Variants in ODAD2 observed in about 807,000 individuals in gnomAD.
ODAD2 encodes outer dynein arm docking complex subunit 2.
ODAD2 carries 89 observed loss-of-function variants against 106.8 expected under a neutral mutation model. The observed-to-expected ratio is 0.83, with a 90% confidence interval of 0.70 to 0.99. The LOEUF is 0.99. Ranked by LOEUF, ODAD2 falls within the 50% of genes least tolerant of loss-of-function variation. The pLI, the probability that ODAD2 is intolerant of heterozygous loss-of-function variation, is 0.00. For synonymous variants in ODAD2, 404 were observed against 436.2 expected (o/e 0.93, Z 0.92); for missense variants, 1,168 against 1,238.5 (o/e 0.94, Z 0.85).
chr10:27,847,591 G>T (rs577314276), intron 19 of ODAD2, among the ~76,000 whole-genome samples: 2 of 152,154 alleles, frequency 1.3e-5, no homozygotes, highest in African/African-American at 4.8e-5. Flanking sequence ...GCAGGAGAAA[G>T]AAATAAAGGG....
intron 16 of ODAD2, among the ~76,000 whole-genome samples, chr10:27,927,183 C>A (rs1177946590): frequency 6.6e-6 from 1 of 152,056 alleles, no homozygotes; most frequent in Non-Finnish European, 1.5e-5. Flanking sequence ...GATGACATTT[C>A]TTATTCCTAC....
chr10:27,947,569 C>T (rs889394716), intron 10 of ODAD2, among the ~76,000 whole-genome samples: 1 of 152,086 alleles, frequency 6.6e-6, no homozygotes, highest in Non-Finnish European at 1.5e-5. Context: ...AAAAACAATT[C>T]ATTTGAATAA....
At chr10:27,837,599 C>T (rs1837990744) in intron 19 of ODAD2, among the ~76,000 whole-genome samples, 1 of 152,192 alleles carries the variant, frequency 6.6e-6, no homozygotes. Context: ...ATGGTTTTCA[C>T]TGCTGTAAAT....
At chr10:27,971,042 T>C (rs1848822804) in intron 8 of ODAD2, 66 bp downstream of exon 8, 6 of 739,516 alleles carry the variant, frequency 8.1e-6, no homozygotes, top group Non-Finnish European at 1.3e-5. Context: ...AATAAAGTTC[T>C]GTGAAAAATT....
intron 16 of ODAD2, among the ~76,000 whole-genome samples, chr10:27,920,055 T>C (rs1165254913): frequency 6.6e-6 from 1 of 151,610 alleles, no homozygotes; most frequent in African/African-American, 2.4e-5. Context: ...AAGTATAAAA[T>C]TATGAAAAAG....
At position 27,847,110 on chromosome 10, in the gene ODAD2, G is replaced by T. The variant is rs577694304; in HGVS notation, c.3021+13515C>A. 9.2e-4 allele frequency among the ~76,000 whole-genome samples: 140 copies of T among 152,122 alleles called. 2 individuals carry two copies. Among genetic ancestry groups the T allele is most frequent in the African/African-American group, 2.7e-3 (111 of 41,492 alleles). ...CATCCTGATACCAAAGCCTGGCAGA[G>T]ACACAGAAAAAAAAGAGAATTTTAG... On this transcript the variant is annotated intron_variant, in intron 19 of 19. Coordinates refer to ENST00000305242, the MANE Select transcript of ODAD2 (RefSeq NM_018076.5).
chr10:27,975,486 A>G (rs1849132461), intron 7 of ODAD2, among the ~76,000 whole-genome samples: 2 of 152,166 alleles, frequency 1.3e-5, no homozygotes, highest in African/African-American at 4.8e-5. Flanking sequence ...GGTCAATAAG[A>G]GAATACTATG....
chr10:27,960,942 C>G (rs547357729), intron 10 of ODAD2, among the ~76,000 whole-genome samples: 6 of 152,262 alleles, frequency 3.9e-5, no homozygotes, highest in South Asian at 4.1e-4. Flanking sequence ...GTGAGCCATT[C>G]CCCTTGCCCT....
chr10:27,940,650 G>GC lies in ODAD2; in HGVS notation c.1898dup (p.Ile634HisfsTer13). 6.2e-7 allele frequency: 1 copy of GC among 1,614,070 alleles called. No individual in the cohort carries two copies. Among genetic ancestry groups the GC allele is most frequent in the East Asian group, 2.2e-5 (1 of 44,856 alleles). On this transcript the variant is annotated frameshift_variant, in exon 13 of 20. Transcript: ENST00000305242. LOFTEE classifies it high-confidence loss of function. ...TCAGCAGCCGAGCCAACAGAGGAAT[G>GC]CCCCCAGCTTTGCGGATGGCTTCTT...
At chr10:27,899,244 G>A (rs958584182) in intron 17 of ODAD2, among the ~76,000 whole-genome samples, 2 of 151,954 alleles carry the variant, frequency 1.3e-5, no homozygotes, top group African/African-American at 4.8e-5. Context: ...GGAAGGGGGA[G>A]TGTGGGACTG....
chr10:27,877,750 G>T (rs1167534486), intron 17 of ODAD2, among the ~76,000 whole-genome samples: 2 of 151,944 alleles, frequency 1.3e-5, no homozygotes, highest in East Asian at 3.9e-4. Context: ...TACAATATTG[G>T]TTATGCACAA....
At chr10:27,875,494 T>C (rs950776384) in intron 17 of ODAD2, among the ~76,000 whole-genome samples, 25 of 152,202 alleles carry the variant, frequency 1.6e-4, no homozygotes, top group Non-Finnish European at 3.1e-4. Flanking sequence ...TTTATCTACC[T>C]TTGGTCTTTC....
At chr10:27,835,925 C>CA (rs34844763) in intron 19 of ODAD2, 8,545 of 129,556 alleles carry the variant, frequency 0.066, 784 homozygotes, top group African/African-American at 0.23. Context: ...AAAATCCCAT[C>CA]AAAAAAAAAA....
At chr10:27,815,453 GTCTGCCTTCAGCTCTCC>G (rs1374293505) in intron 19 of ODAD2, among the ~76,000 whole-genome samples, 2 of 152,162 alleles carry the variant, frequency 1.3e-5, no homozygotes, top group African/African-American at 4.8e-5. Flanking sequence ...CCAGGCTGCT[GTCTGCCTTCAGCTCTCC>G]TCTGAAATAA....
chr10:27,899,274 C>T (rs1014069181), intron 17 of ODAD2, among the ~76,000 whole-genome samples: 3 of 152,144 alleles, frequency 2.0e-5, no homozygotes, highest in African/African-American at 7.2e-5. Flanking sequence ...GAACAGTATA[C>T]TCTGGCCCAG....
In ODAD2 at chr10:27,971,452, G is replaced by C. The variant is rs77862527; in HGVS notation, c.937-139C>G. 5.7e-3 allele frequency: 3,939 copies of C among 691,688 alleles called. 117 individuals are homozygous for C. In the African/African-American group the frequency reaches 0.062, roughly 11 times the overall value. 42.8% of individuals were successfully genotyped at this position (691,688 alleles called of 1,614,324 possible). A position where few individuals can be genotyped will look rare whatever the true frequency, so the allele number is the denominator to read the frequency against. ...TGGTCCTTAGTAACAGCTAAACAAG[G>C]ACAACATCAAGACTAAGGCTTCTGT... On this transcript the variant is annotated intron_variant, in intron 7 of 19. Coordinates refer to ENST00000305242, the MANE Select transcript of ODAD2 (RefSeq NM_018076.5).
intron 17 of ODAD2, among the ~76,000 whole-genome samples, chr10:27,869,680 G>A (rs1840715804): frequency 6.6e-6 from 1 of 151,842 alleles, no homozygotes; most frequent in Admixed American, 6.6e-5. Flanking sequence ...GATTACAGGT[G>A]CATGCCACCA....
chr10:27,939,313 C>T (rs1377978185), intron 14 of ODAD2, among the ~76,000 whole-genome samples: 1 of 152,182 alleles, frequency 6.6e-6, no homozygotes, highest in Non-Finnish European at 1.5e-5. Flanking sequence ...CTTCTAGAAA[C>T]AAATAGTCCC....
intron 16 of ODAD2, among the ~76,000 whole-genome samples, chr10:27,924,248 A>G (rs895078931): frequency 3.3e-5 from 5 of 151,900 alleles, no homozygotes; most frequent in African/African-American, 1.2e-4. Context: ...AGTTAAAAAA[A>G]ATTTTAAAGA....
Sources: gnomAD v4.1 joint callset for allele counts (sites outside exome capture counted in the v4.1 genomes callset) on GRCh38, gnomAD v4.1.1 for gene constraint, MANE v1.5 for transcripts, NCBI Gene and HGNC (gene_info 2026-07-23, HGNC 2026-07-21) for gene names.